Variants in AHR observed in about 807,000 individuals in gnomAD.
The protein encoded by AHR is AH-receptor.
AHR carries 40 observed loss-of-function variants against 86.8 expected under a neutral mutation model. The observed-to-expected ratio is 0.46, with a 90% CI of 0.36 to 0.60. The LOEUF (loss-of-function observed/expected upper bound fraction) is 0.60, where lower values mean the gene tolerates loss of function less well. Ranked by LOEUF, AHR falls within the 20% of genes least tolerant of loss-of-function variation. The pLI is 0.00. For missense variants in AHR, 1,001 were observed against 1,011.6 expected (o/e 0.99, Z 0.14); for synonymous variants, 398 against 354.9 (o/e 1.12, Z -1.37).
rs569115841 is a variant in AHR at position 17,331,376 on chromosome 7, T to G, written c.705+490T>G. Among the ~76,000 whole-genome samples the G allele has an allele frequency of 5.9e-4, 89 of 152,058 alleles. No individual in the cohort carries two copies. The South Asian group carries it at 6.8e-3, about 12-fold the overall frequency. ...AAAAATCTGCTACCAAATAATTTGATAAAGGAAAGTAACATTTTAAAGTAA... is the reference window on the plus strand; with the variant it reads ...AAAAATCTGCTACCAAATAATTTGAGAAAGGAAAGTAACATTTTAAAGTAA... On this transcript the variant is annotated intron_variant, in intron 6 of 10. Transcript: ENST00000242057.
At chr7:17,335,959 C>A in intron 9 of AHR, 173 bp downstream of exon 9, 1 of 610,692 alleles carries the variant, frequency 1.6e-6, no homozygotes. Flanking sequence ...AATTGACGAA[C>A]TTGATTGAGA....
intron 4 of AHR, among the ~76,000 whole-genome samples, chr7:17,329,371 G>GT (rs1401017881): frequency 6.6e-6 from 1 of 151,538 alleles, no homozygotes; most frequent in Non-Finnish European, 1.5e-5. Flanking sequence ...ATAACTTGCA[G>GT]TTAAAAAAAA....
At chr7:17,342,888 T>C (rs1021307776) in intron 10 of AHR, 33 bp from the exon 11 acceptor site, 1 of 1,599,262 alleles carries the variant, frequency 6.3e-7, no homozygotes, top group African/African-American at 1.3e-5. Context: ...GAAGATCTAT[T>C]CCAATAAGTT....
At chr7:17,337,088 T>A (rs963622894) in intron 9 of AHR, among the ~76,000 whole-genome samples, 13 of 152,128 alleles carry the variant, frequency 8.5e-5, no homozygotes, top group African/African-American at 3.1e-4. Context: ...TTGTTTTTAT[T>A]TTTATTCATG....
chr7:17,335,908 T>C (rs1033917629), intron 9 of AHR, 122 bp downstream of exon 9: 17 of 1,062,160 alleles, frequency 1.6e-5, no homozygotes, highest in Non-Finnish European at 2.3e-5. Flanking sequence ...GTTTAATTCA[T>C]CTAGAAAGAA....
In AHR at chr7:17,322,522, C is replaced by A. The variant is rs774150309; in HGVS notation, c.275C>A (p.Thr92Asn). ...FFDVALKSSPTERNGGQDNCR... is the reference protein window; with the variant it reads ...FFDVALKSSPNERNGGQDNCR... ...ATAGTTGCATTAAAATCCTCCCCTA[C>A]TGAAAGAAACGGAGGCCAGGATAAC... The change falls in exon 3 of 11, where the codon ACT becomes AAT. Residue 92 changes from threonine (T) to asparagine (N), a missense_variant. Thr to Asn is a moderately conservative substitution (Grantham distance 65). Transcript: ENST00000242057. 4 of 1,611,688 alleles carry A rather than the reference C, an allele frequency of 2.5e-6. No homozygotes were observed. In the East Asian group the frequency reaches 8.9e-5, roughly 36 times the overall value.
chr7:17,311,077 G>A (rs1188842441), intron 2 of AHR, among the ~76,000 whole-genome samples: 1 of 152,100 alleles, frequency 6.6e-6, no homozygotes, highest in East Asian at 1.9e-4. Context: ...CCTTTAAATT[G>A]CAATGGAAGT....
intron 5 of AHR, 137 bp downstream of exon 5, chr7:17,330,212 C>A: frequency 1.2e-6 from 1 of 821,888 alleles, no homozygotes; most frequent in Non-Finnish European, 1.8e-6. Context: ...AATCATAGGC[C>A]ACAGCTAGGT....
intron 1 of AHR, among the ~76,000 whole-genome samples, chr7:17,308,087 C>T (rs1782024079): frequency 1.3e-5 from 2 of 152,168 alleles, no homozygotes; most frequent in African/African-American, 4.8e-5. Flanking sequence ...TCTCCATCCT[C>T]CACCTAGGAT....
intron 9 of AHR, among the ~76,000 whole-genome samples, chr7:17,338,426 G>A (rs1162278618): frequency 1.3e-5 from 2 of 151,948 alleles, no homozygotes; most frequent in Non-Finnish European, 2.9e-5. Context: ...CACAAATGTG[G>A]CTCACTGAAG....
At chr7:17,337,819 T>A (rs911975631) in intron 9 of AHR, among the ~76,000 whole-genome samples, 27 of 152,228 alleles carry the variant, frequency 1.8e-4, no homozygotes, top group African/African-American at 6.5e-4. Flanking sequence ...AAATTACATT[T>A]GTATCATTTA....
Position 17,322,576 on chromosome 7 carries a change from T to C in AHR, c.329T>C (p.Leu110Pro). 1 of 1,612,038 alleles carries C rather than the reference T, an allele frequency of 6.2e-7. No homozygotes were observed. Among genetic ancestry groups the C allele is most frequent in the African/African-American group, 1.3e-5 (1 of 74,990 alleles). Residue 110 changes from leucine to proline, a missense_variant, in exon 3 of 11, where the codon CTG (leucine) becomes CCG (proline). By Grantham distance (98) the Leu-to-Pro change is moderately conservative. This residue lies in a region of AHR where 394 missense variants were observed against 468.5 expected (regional missense o/e 0.84). Transcript: ENST00000242057. ...NCRAANFREG[L>P]NLQEGEFLLQ... Reference sequence around the variant, plus strand: ...AGAGCAGCAAATTTCAGAGAAGGCCTGAACTTACAAGAAGGAGAATTCTTA... The same window carrying C: ...AGAGCAGCAAATTTCAGAGAAGGCCCGAACTTACAAGAAGGAGAATTCTTA...
chr7:17,323,135 C>T (rs569748187), intron 3 of AHR, among the ~76,000 whole-genome samples: 10 of 152,158 alleles, frequency 6.6e-5, no homozygotes, highest in Non-Finnish European at 1.2e-4. Context: ...AGTTAGAAGA[C>T]CGGTCAACCC....
At chr7:17,322,827 C>T (rs541981438) in intron 3 of AHR, among the ~76,000 whole-genome samples, 63 of 152,082 alleles carry the variant, frequency 4.1e-4, no homozygotes, top group African/African-American at 1.4e-3. Context: ...ACCACATATG[C>T]GACAGTGGTC....
chr7:17,340,339 T>C (rs1403526148), intron 10 of AHR, 111 bp downstream of exon 10: 3 of 1,379,140 alleles, frequency 2.2e-6, no homozygotes, highest in Middle Eastern at 2.1e-4. Context: ...ACAGCATTCA[T>C]GGAGACAGCA....
chr7:17,322,305 A>G (rs1782182756), intron 2 of AHR, among the ~76,000 whole-genome samples, 196 bp from the exon 3 acceptor site: 1 of 152,026 alleles, frequency 6.6e-6, no homozygotes, highest in African/African-American at 2.4e-5. Flanking sequence ...TGTTACTAGC[A>G]TAGAATAAGG....
rs1160832822 is a variant in AHR at position 17,299,203 on chromosome 7, C to T, written c.-62C>T. 3 of 1,573,988 alleles carry T rather than the reference C, an allele frequency of 1.9e-6. No individual in the cohort carries two copies. Among genetic ancestry groups the T allele is most frequent in the Non-Finnish European group, 2.6e-6 (3 of 1,161,956 alleles). ...GCCGCCGCAGTGGTCCCAGCCTACA[C>T]CGGGTTCCGGGGACCCGGCCGCCAG... On this transcript the variant is annotated 5_prime_UTR_variant, in exon 1 of 11. Transcript: ENST00000242057.
intron 2 of AHR, among the ~76,000 whole-genome samples, chr7:17,317,142 A>G (rs1189085702): frequency 1.6e-5 from 2 of 122,196 alleles, no homozygotes; most frequent in Non-Finnish European, 3.3e-5. Context: ...TTGAATATGC[A>G]TAAGGGCCTT....
intron 1 of AHR, among the ~76,000 whole-genome samples, chr7:17,308,055 GTTATATGT>G (rs1342300645): frequency 2.0e-5 from 3 of 152,096 alleles, no homozygotes; most frequent in Non-Finnish European, 2.9e-5. Context: ...CGCCCTAAAA[GTTATATGT>G]TTATTTGTTT....
Sources: allele counts gnomAD v4.1 joint callset (sites outside exome capture counted in the v4.1 genomes callset), GRCh38; gene constraint gnomAD v4.1.1; regional missense constraint gnomAD v4.1.1; transcripts MANE v1.5; gene names NCBI Gene and HGNC (gene_info 2026-07-23, HGNC 2026-07-21).